The following DCT variants were observed in gnomAD, a reference collection of about 807,000 sequenced individuals.
DCT encodes L-dopachrome tautomerase.
A neutral mutation model predicts 53.0 loss-of-function variants in DCT; 47 were observed. That is an observed-to-expected ratio of 0.89 (90% CI 0.70 to 1.13). The LOEUF is 1.13. Ranked by LOEUF, DCT falls within the 50% of genes most tolerant of loss-of-function variation. The probability of loss-of-function intolerance (pLI) is 0.00; values close to 1 mark genes in which losing one functional copy is unlikely to be tolerated. For missense variants in DCT, 669 were observed against 637.4 expected (o/e 1.05, Z -0.53); for synonymous variants, 244 against 237.0 (o/e 1.03, Z -0.27).
Position 94,479,430 on chromosome 13 carries a change from G to A in DCT, c.-175C>T. ...CAAGAATCACAGAGGTTACATGTGTGCACATGTGTACATGAACGTGCACAC... is the reference window on the plus strand; with the variant it reads ...CAAGAATCACAGAGGTTACATGTGTACACATGTGTACATGAACGTGCACAC... On this transcript the variant is annotated 5_prime_UTR_variant, in exon 1 of 8. Transcript: ENST00000377028. 9.6e-6 allele frequency: 6 copies of A among 621,796 alleles called. No homozygotes were observed. Among genetic ancestry groups the A allele is most frequent in the Non-Finnish European group, 1.6e-5 (6 of 366,646 alleles). The allele number at this position is 621,796 out of a possible 1,614,324, so 38.5% of individuals were successfully genotyped here.
chr13:94,447,802 G>A (rs536980504), intron 6 of DCT, among the ~76,000 whole-genome samples: 1 of 152,078 alleles, frequency 6.6e-6, no homozygotes, highest in Non-Finnish European at 1.5e-5. Context: ...CTTATAGAAA[G>A]TATCAGAATT....
the DCT span, among the ~76,000 whole-genome samples, chr13:94,484,792 T>A: frequency 6.6e-6 from 1 of 152,148 alleles, no homozygotes; most frequent in African/African-American, 2.4e-5. Flanking sequence ...CTTAATCTCC[T>A]CTGTAAAGGC....
At chr13:94,469,068 G>A in intron 1 of DCT, 23 bp from the exon 2 acceptor site, 2 of 1,589,278 alleles carry the variant, frequency 1.3e-6, no homozygotes, top group Non-Finnish European at 1.7e-6. Flanking sequence ...ACAGAAAGAT[G>A]GAAAGGAAGG....
Position 94,443,472 on chromosome 13 carries a change from C to G in DCT, c.1345G>C (p.Asp449His). Reference protein sequence around the residue: ...VTNEELFLTSDQLGYSYAIDL... With the variant: ...VTNEELFLTSHQLGYSYAIDL... The stretch of plus-strand genomic sequence containing the variant: ...ATGGCATAGCTGTAGCCAAGTTGGT[C>G]TGAGGTTAAAAAGAGTTCTTCATTA... Residue 449 changes from aspartate (D) to histidine (H), a missense_variant, in exon 7 of 8, where the codon GAC becomes CAC. By Grantham distance (81) the Asp-to-His change is moderately conservative. Transcript: ENST00000377028. The G allele has an allele frequency of 6.2e-7, 1 of 1,613,990 alleles. No individual in the cohort carries two copies. Among genetic ancestry groups the G allele is most frequent in the East Asian group, 2.2e-5 (1 of 44,868 alleles).
the DCT span, among the ~76,000 whole-genome samples, chr13:94,496,364 T>G: frequency 1.3e-5 from 2 of 152,016 alleles, no homozygotes; most frequent in Non-Finnish European, 2.9e-5. Flanking sequence ...CGGCTAATTT[T>G]TGTATTTTTA....
chr13:94,477,492 G>A (rs1470862727), intron 1 of DCT, among the ~76,000 whole-genome samples: 1 of 152,176 alleles, frequency 6.6e-6, no homozygotes, highest in Non-Finnish European at 1.5e-5. Context: ...CTGCTAGAGA[G>A]GGGAGGGAGG....
chr13:94,516,314 T>C, the DCT span, among the ~76,000 whole-genome samples: 2 of 152,096 alleles, frequency 1.3e-5, no homozygotes, highest in African/African-American at 2.4e-5. Context: ...ACAAATCAGG[T>C]AGGCTATTTT....
upstream of DCT, among the ~76,000 whole-genome samples, chr13:94,480,828 T>C (rs566881703): frequency 3.9e-5 from 6 of 152,338 alleles, no homozygotes; most frequent in South Asian, 1.2e-3. Context: ...AAAGGAAATA[T>C]TGCATCAGCA....
intron 1 of DCT, among the ~76,000 whole-genome samples, chr13:94,470,256 G>A (rs1161001460): frequency 6.6e-6 from 1 of 152,148 alleles, no homozygotes; most frequent in Admixed American, 6.5e-5. Flanking sequence ...AAGTCCTCAG[G>A]GTGAATCAGT....
At chr13:94,461,929 G>C (rs1268046626) in intron 5 of DCT, 81 bp downstream of exon 5, 1 of 1,275,854 alleles carries the variant, frequency 7.8e-7, no homozygotes, top group African/African-American at 1.5e-5. Flanking sequence ...CCAAAACCTG[G>C]GTTTCCTTCC....
the DCT span, among the ~76,000 whole-genome samples, chr13:94,503,155 A>T: frequency 6.6e-6 from 1 of 152,224 alleles, no homozygotes; most frequent in African/African-American, 2.4e-5. Context: ...GGGGGCATGG[A>T]TTGCTTGAGT....
chr13:94,446,817 T>C (rs148867876), intron 6 of DCT, among the ~76,000 whole-genome samples: 2 of 151,718 alleles, frequency 1.3e-5, no homozygotes, highest in Non-Finnish European at 2.9e-5. Context: ...TTCATCCTCA[T>C]GCAGTGTTCT....
At chr13:94,500,449 T>C in the DCT span, among the ~76,000 whole-genome samples, 1 of 152,168 alleles carries the variant, frequency 6.6e-6, no homozygotes. Context: ...TCCCACCTGG[T>C]CCCTCCCACA....
At chr13:94,532,907 C>G in the DCT span, among the ~76,000 whole-genome samples, 1 of 152,042 alleles carries the variant, frequency 6.6e-6, no homozygotes, top group African/African-American at 2.4e-5. Context: ...TGTTATAACA[C>G]GAAAGAATCC....
chr13:94,497,374 G>C, the DCT span, among the ~76,000 whole-genome samples: 1 of 152,096 alleles, frequency 6.6e-6, no homozygotes, highest in Non-Finnish European at 1.5e-5. Flanking sequence ...TGTCTCTCTA[G>C]GTGAATAACA....
chr13:94,543,684 T>C, the DCT span, among the ~76,000 whole-genome samples: 1 of 152,178 alleles, frequency 6.6e-6, no homozygotes, highest in South Asian at 2.1e-4. Flanking sequence ...AATCTCCCCT[T>C]CCTAATCATG....
upstream of DCT, among the ~76,000 whole-genome samples, chr13:94,481,858 C>A (rs2139388770): frequency 6.6e-6 from 1 of 152,320 alleles, no homozygotes; most frequent in Non-Finnish European, 1.5e-5. Flanking sequence ...TCACCACAAC[C>A]CTACAAGTGA....
At chr13:94,467,954 C>G (rs907664288) in intron 2 of DCT, 1 of 152,066 alleles carries the variant, frequency 6.6e-6, no homozygotes, top group African/African-American at 2.4e-5. Flanking sequence ...TTTCCTTTGA[C>G]TGAAAAATAA....
the DCT span, among the ~76,000 whole-genome samples, chr13:94,543,644 C>T: frequency 5.9e-5 from 9 of 152,252 alleles, no homozygotes; most frequent in African/African-American, 1.9e-4. Context: ...TTCCTCTTGG[C>T]AAATTTACTT....
Sources: gnomAD v4.1 joint callset for allele counts (sites outside exome capture counted in the v4.1 genomes callset) on GRCh38, gnomAD v4.1.1 for gene constraint, MANE v1.5 for transcripts, NCBI Gene and HGNC (gene_info 2026-07-23, HGNC 2026-07-21) for gene names.